Variants in MSI2 observed in about 807,000 individuals in gnomAD.
The protein encoded by MSI2 is musashi RNA binding protein 2.
Under a neutral mutation model 45.6 loss-of-function variants are expected in MSI2, and 17 were observed. The ratio of observed to expected loss-of-function variants is 0.37; its 90% confidence interval spans 0.26 to 0.56. The LOEUF is 0.56. Among genes scored for constraint, MSI2 ranks in the 20% least tolerant of loss-of-function variants. The pLI is 0.77. For missense variants in MSI2, 293 were observed against 444.2 expected, an observed-to-expected ratio of 0.66 and a Z score of 3.06; for synonymous variants, 156 against 158.2, an observed-to-expected ratio of 0.99 and a Z score of 0.11.
chr17:57,632,093 T>C (rs746711260), intron 10 of MSI2: 429 of 1,272,696 alleles, frequency 3.4e-4, no homozygotes, highest in Non-Finnish European at 4.1e-4. Flanking sequence ...TTCCTCAGAA[T>C]GTAACGGGGC....
At chr17:57,579,763 G>A (rs1567913330) in intron 7 of MSI2, among the ~76,000 whole-genome samples, 6 of 152,116 alleles carry the variant, frequency 3.9e-5, no homozygotes, top group Admixed American at 3.9e-4. Flanking sequence ...ATCTGATGGG[G>A]GCTAGGAACT....
chr17:57,602,011 A>C (rs544130763), intron 8 of MSI2: 1 of 152,296 alleles, frequency 6.6e-6, no homozygotes, highest in East Asian at 1.9e-4. Flanking sequence ...AGGCAAACCT[A>C]GTATTTGAAA....
chr17:57,421,757 T>C (rs2084401084), intron 6 of MSI2, among the ~76,000 whole-genome samples: 1 of 152,122 alleles, frequency 6.6e-6, no homozygotes, highest in Non-Finnish European at 1.5e-5. Flanking sequence ...CATGGGAGGC[T>C]AAAGCAGGAG....
At chr17:57,612,622 C>CA (rs1477601904) in intron 8 of MSI2, among the ~76,000 whole-genome samples, 1 of 152,224 alleles carries the variant, frequency 6.6e-6, no homozygotes, top group African/African-American at 2.4e-5. Context: ...CCCAAACCAC[C>CA]AGCAGCAAAG....
chr17:57,362,699 C>G (rs792374), intron 5 of MSI2, among the ~76,000 whole-genome samples: 126,360 of 152,070 alleles, frequency 0.83, 52,561 homozygotes, highest in Middle Eastern at 0.88. Context: ...GCCTTCCCCC[C>G]ATTCTTTTCC....
chr17:57,588,239 G>T (rs1025493146), intron 7 of MSI2, among the ~76,000 whole-genome samples: 3 of 152,136 alleles, frequency 2.0e-5, no homozygotes, highest in African/African-American at 4.8e-5. Context: ...GCCTCTGATG[G>T]CCTCCTGACC....
chr17:57,272,178 G>A (rs772374592), intron 5 of MSI2, among the ~76,000 whole-genome samples: 10 of 152,214 alleles, frequency 6.6e-5, no homozygotes, highest in Non-Finnish European at 1.5e-4. Flanking sequence ...TAAGTCTTCA[G>A]ATGGAATTTT....
intron 5 of MSI2, among the ~76,000 whole-genome samples, chr17:57,322,254 A>G (rs907451623): frequency 1.3e-5 from 2 of 152,030 alleles, no homozygotes; most frequent in African/African-American, 4.8e-5. Context: ...GCTGAGGCCA[A>G]CTTCTTTGGT....
intron 5 of MSI2, among the ~76,000 whole-genome samples, chr17:57,336,477 A>G (rs1437121175): frequency 6.6e-6 from 1 of 152,224 alleles, no homozygotes; most frequent in Non-Finnish European, 1.5e-5. Context: ...GGACTTGAAT[A>G]GTAGTTAAAT....
intron 8 of MSI2, among the ~76,000 whole-genome samples, chr17:57,598,598 T>C (rs893834511): frequency 6.6e-6 from 1 of 152,184 alleles, no homozygotes; most frequent in Non-Finnish European, 1.5e-5. Flanking sequence ...ATAGGCTTTC[T>C]CAGCTCCCCA....
intron 9 of MSI2, among the ~76,000 whole-genome samples, chr17:57,622,150 T>C (rs1567941999): frequency 6.6e-6 from 1 of 152,148 alleles, no homozygotes; most frequent in African/African-American, 2.4e-5. Flanking sequence ...TGAGCCAAGA[T>C]CACACCACTG....
chr17:57,381,021 C>T (rs1218894546), intron 5 of MSI2, among the ~76,000 whole-genome samples: 6 of 152,098 alleles, frequency 3.9e-5, no homozygotes, highest in Admixed American at 3.9e-4. Context: ...TCTTCCTTGG[C>T]CTGACCTCCC....
At chr17:57,694,119 G>T in the MSI2 span, among the ~76,000 whole-genome samples, 1 of 152,180 alleles carries the variant, frequency 6.6e-6, no homozygotes, top group Non-Finnish European at 1.5e-5. Context: ...TTGCAACAGA[G>T]CCCACATGGC....
intron 6 of MSI2, among the ~76,000 whole-genome samples, chr17:57,517,834 C>A (rs2143984371): frequency 6.6e-6 from 1 of 152,150 alleles, no homozygotes; most frequent in South Asian, 2.1e-4. Context: ...CTCTGGGACC[C>A]AACAGACCAG....
chr17:57,667,534 C>T (rs1912458374), intron 11 of MSI2, among the ~76,000 whole-genome samples: 1 of 152,174 alleles, frequency 6.6e-6, no homozygotes, highest in African/African-American at 2.4e-5. Context: ...GATATCCAGT[C>T]ACCGCACAGG....
chr17:57,343,492 A>G (rs1017675561), intron 5 of MSI2, among the ~76,000 whole-genome samples: 1 of 152,098 alleles, frequency 6.6e-6, no homozygotes, highest in Non-Finnish European at 1.5e-5. Context: ...TCCTTGAGTC[A>G]TTAGGGAATA....
At chr17:57,567,936 G>T (rs1180614523) in intron 7 of MSI2, among the ~76,000 whole-genome samples, 2 of 152,202 alleles carry the variant, frequency 1.3e-5, no homozygotes, top group Non-Finnish European at 2.9e-5. Context: ...AATAACCTTT[G>T]CAAGAGTAGT....
chr17:57,628,333 C>A (rs897204465), intron 10 of MSI2: 1 of 152,224 alleles, frequency 6.6e-6, no homozygotes, highest in African/African-American at 2.4e-5. Context: ...TGGAAGATGG[C>A]GCCCTGACAC....
At position 57,640,851 on chromosome 17, in the gene MSI2, C is replaced by A. The variant is rs80293986; in HGVS notation, c.728-11248C>A. Among the ~76,000 whole-genome samples the A allele has an allele frequency of 5.0e-3, 755 of 152,310 alleles. 9 individuals carry two copies. Among genetic ancestry groups the A allele is most frequent in the African/African-American group, 0.017 (720 of 41,546 alleles). ...GCCATGAAAAGTGCTCAGATGGTGGCTGCTGTTGTGTTATCATTAGTGTAA... is the reference window on the plus strand; with the variant it reads ...GCCATGAAAAGTGCTCAGATGGTGGATGCTGTTGTGTTATCATTAGTGTAA... On this transcript the variant is annotated intron_variant, in intron 10 of 13. Transcript: ENST00000284073.
Sources: gnomAD v4.1 joint callset for allele counts (sites outside exome capture counted in the v4.1 genomes callset) on GRCh38, gnomAD v4.1.1 for gene constraint, MANE v1.5 for transcripts, NCBI Gene and HGNC (gene_info 2026-07-23, HGNC 2026-07-21) for gene names.